The following METTL24 variants were observed in gnomAD, a reference collection of about 807,000 sequenced individuals.
METTL24 encodes methyltransferase like 24, also known as probable methyltransferase-like protein 24.
Under a neutral mutation model 32.7 loss-of-function variants are expected in METTL24, and 29 were observed. The ratio of observed to expected loss-of-function variants is 0.89; its 90% confidence interval spans 0.66 to 1.21. METTL24 has a LOEUF of 1.21. METTL24 is among the 50% of genes most tolerant of loss of function. The pLI is 0.00. For synonymous variants in METTL24, 163 were observed against 179.5 expected, an observed-to-expected ratio of 0.91 and a Z score of 0.73; for missense variants, 439 against 468.1, an observed-to-expected ratio of 0.94 and a Z score of 0.57.
At chr6:110,264,040 C>G (rs1406032527) in intron 4 of METTL24, among the ~76,000 whole-genome samples, 1 of 152,026 alleles carries the variant, frequency 6.6e-6, no homozygotes, top group Non-Finnish European at 1.5e-5. Flanking sequence ...CTAGGCAATA[C>G]CATTCAGGAC....
At chr6:110,320,735 A>C (rs979615565) in intron 2 of METTL24, among the ~76,000 whole-genome samples, 4 of 152,206 alleles carry the variant, frequency 2.6e-5, no homozygotes, top group South Asian at 2.1e-4. Context: ...GGCCCAGAAC[A>C]GTTCCTGGCA....
At chr6:110,337,428 G>A (rs1772259017) in intron 1 of METTL24, among the ~76,000 whole-genome samples, 1 of 152,066 alleles carries the variant, frequency 6.6e-6, no homozygotes, top group Admixed American at 6.6e-5. Flanking sequence ...TAAAATAAAA[G>A]TTAGAAAAAA....
chr6:110,330,274 C>G (rs1252561342), intron 1 of METTL24, among the ~76,000 whole-genome samples: 2 of 152,240 alleles, frequency 1.3e-5, no homozygotes, highest in Non-Finnish European at 2.9e-5. Flanking sequence ...TTCCTCTCCT[C>G]TCTGAGGCAG....
chr6:110,250,789 T>C (rs141643143), intron 4 of METTL24, among the ~76,000 whole-genome samples: 2 of 152,326 alleles, frequency 1.3e-5, no homozygotes, highest in Non-Finnish European at 2.9e-5. Context: ...CCAAAGCCAG[T>C]TGAAACCACC....
At chr6:110,255,532 G>A (rs912898649) in intron 4 of METTL24, among the ~76,000 whole-genome samples, 3 of 152,134 alleles carry the variant, frequency 2.0e-5, no homozygotes, top group African/African-American at 7.2e-5. Context: ...CTGACCGAGG[G>A]CAGAGTCAGG....
intron 4 of METTL24, among the ~76,000 whole-genome samples, chr6:110,246,769 A>G (rs1778171809): frequency 6.6e-6 from 1 of 152,194 alleles, no homozygotes; most frequent in Non-Finnish European, 1.5e-5. Context: ...GTCTATAGAA[A>G]GGAAGTGACA....
intron 4 of METTL24, among the ~76,000 whole-genome samples, chr6:110,250,961 C>T (rs1401702826): frequency 2.0e-5 from 3 of 152,204 alleles, no homozygotes; most frequent in Non-Finnish European, 4.4e-5. Flanking sequence ...GCCTTTTCCC[C>T]TTTAAGAGGG....
chr6:110,283,926 G>A (rs1236045174), intron 4 of METTL24, among the ~76,000 whole-genome samples: 3 of 152,120 alleles, frequency 2.0e-5, no homozygotes, highest in Non-Finnish European at 2.9e-5. Flanking sequence ...AGCAACTCCC[G>A]TGTTTATTGA....
At chr6:110,262,925 C>A (rs1770776617) in intron 4 of METTL24, among the ~76,000 whole-genome samples, 1 of 152,144 alleles carries the variant, frequency 6.6e-6, no homozygotes, top group South Asian at 2.1e-4. Flanking sequence ...AACAGCCCTT[C>A]ATGCTAAAAA....
At chr6:110,346,810 T>A (rs1772485519) in intron 1 of METTL24, among the ~76,000 whole-genome samples, 2 of 152,146 alleles carry the variant, frequency 1.3e-5, no homozygotes, top group Admixed American at 1.3e-4. Context: ...TGGCCATCAA[T>A]CCTTTTTTTC....
At chr6:110,273,771 G>A (rs191899752) in intron 4 of METTL24, among the ~76,000 whole-genome samples, 279 of 152,194 alleles carry the variant, frequency 1.8e-3, no homozygotes, top group Non-Finnish European at 3.5e-3. Flanking sequence ...TTACAGTACT[G>A]GTGAAAATGT....
intron 1 of METTL24, among the ~76,000 whole-genome samples, chr6:110,328,294 A>C (rs1413712951): frequency 6.6e-6 from 1 of 152,218 alleles, no homozygotes; most frequent in Non-Finnish European, 1.5e-5. Flanking sequence ...CTTATCTGGC[A>C]CCTTGTCCAG....
chr6:110,336,752 AAAAAC>A (rs1562241704), intron 1 of METTL24, among the ~76,000 whole-genome samples: 5 of 149,524 alleles, frequency 3.3e-5, no homozygotes, highest in African/African-American at 1.0e-4. Flanking sequence ...AAAAAAAAAA[AAAAAC>A]AAAAAGATGG....
rs1392168883 is a variant in METTL24, at chr6:110,245,280, G to T, written c.*666C>A. Among the ~76,000 whole-genome samples the T allele has an allele frequency of 6.6e-6, 1 of 152,126 alleles. No individual in the cohort carries two copies. The highest frequency in any genetic ancestry group is 1.5e-5 in the Non-Finnish European group (1 of 68,014). ...CTGGCTGTCTTCAAGCTGGGACATG[G>T]GTCTTGGTGAGGTCAAGACCTTCAG... On this transcript the variant is annotated 3_prime_UTR_variant, in exon 5 of 5. Coordinates refer to ENST00000338882, the MANE Select transcript of METTL24 (RefSeq NM_001123364.3).
chr6:110,316,352 C>A (rs1176976821), intron 2 of METTL24, among the ~76,000 whole-genome samples: 1 of 152,212 alleles, frequency 6.6e-6, no homozygotes, highest in Non-Finnish European at 1.5e-5. Flanking sequence ...GTACATTTCG[C>A]ACAGCTGAGG....
At chr6:110,253,964 G>T (rs561706748) in intron 4 of METTL24, 1 of 1,400,878 alleles carries the variant, frequency 7.1e-7, no homozygotes, top group African/African-American at 1.5e-5. Flanking sequence ...AGTGGGTGAA[G>T]GTCCAGACCT....
At position 110,246,267 on chromosome 6, in the gene METTL24, C is replaced by T; in HGVS notation, c.787-7G>A. ...CTGCCTTGAGAACGTCAATCTGTAA[C>T]AAAGCAATGAAATGAGATTAGCAGA... On this transcript the variant is annotated splice_polypyrimidine_tract_variant and splice_region_variant and intron_variant, in intron 4 of 4. Transcript: ENST00000338882. The T allele has an allele frequency of 6.3e-7, 1 of 1,591,484 alleles. No homozygotes were observed. The highest frequency in any genetic ancestry group is 1.1e-5 in the South Asian group (1 of 88,502).
At chr6:110,294,387 T>C (rs1022656772) in intron 4 of METTL24, among the ~76,000 whole-genome samples, 19 of 151,924 alleles carry the variant, frequency 1.3e-4, no homozygotes, top group African/African-American at 4.6e-4. Flanking sequence ...ATAGAAATAC[T>C]GGATAATTTT....
At chr6:110,248,756 CA>C (rs892714365) in intron 4 of METTL24, among the ~76,000 whole-genome samples, 3 of 148,372 alleles carry the variant, frequency 2.0e-5, no homozygotes, top group African/African-American at 5.0e-5. Flanking sequence ...CTCATCTCTA[CA>C]AAAAAAAATA....
Sources: allele counts gnomAD v4.1 joint callset (sites outside exome capture counted in the v4.1 genomes callset), GRCh38; gene constraint gnomAD v4.1.1; transcripts MANE v1.5; gene names NCBI Gene and HGNC (gene_info 2026-07-23, HGNC 2026-07-21).